ENTR1: variants seen among roughly 807,000 people sequenced by gnomAD.
ENTR1 encodes endosome associated trafficking regulator 1, also known as endosome-associated-trafficking regulator 1.
In ENTR1, 47 loss-of-function variants were observed where a neutral mutation model predicts 47.9. That is an observed-to-expected ratio of 0.98 (90% CI 0.78 to 1.25). The LOEUF is 1.25. ENTR1 is among the 50% of genes most tolerant of loss of function. The pLI, the probability that ENTR1 is intolerant of heterozygous loss-of-function variation, is 0.00. For synonymous variants in ENTR1, 290 were observed against 245.8 expected (o/e 1.18, Z -1.68); for missense variants, 668 against 570.5 (o/e 1.17, Z -1.74).
At position 136,404,679 on chromosome 9, in the gene ENTR1, C is replaced by T; in HGVS notation, c.1020G>A (p.Lys340=). 5.6e-6 allele frequency: 9 copies of T among 1,614,150 alleles called. No individual in the cohort carries two copies. The highest frequency in any genetic ancestry group is 7.6e-6 in the Non-Finnish European group (9 of 1,180,046). The change falls in exon 8 of 10, where the codon AAG becomes AAA. Residue 340 remains lysine, a synonymous_variant. Transcript: ENST00000357365. ...NLELMTKRAV[K]AENHVVKLKQ... The stretch of plus-strand genomic sequence containing the variant: ...TTAGTTTCACGACGTGGTTTTCTGC[C>T]TTTACAGCCCGTTTCTGTTACCCAA...
chr9:136,410,050 A>T (rs745878550), intron 2 of ENTR1, 40 bp downstream of exon 2: 3 of 1,610,180 alleles, frequency 1.9e-6, no homozygotes, highest in Non-Finnish European at 2.5e-6. Flanking sequence ...GTGGCGCGGG[A>T]ACTGGAAGCG....
chr9:136,410,613 A>AG lies in ENTR1; in HGVS notation c.-217dup. On this transcript the variant is annotated 5_prime_UTR_variant, in exon 1 of 10. Transcript: ENST00000357365. ...ACGCCTTGGGCCGTCGGCGAGGGGG[A>AG]GGGGAAGCCGTGGGCGGAAGCGGAA... 2 of 1,295,660 alleles carry AG rather than the reference A, an allele frequency of 1.5e-6. No homozygotes were observed. The highest frequency in any genetic ancestry group is 5.7e-5 in the East Asian group (2 of 34,840). 80.3% of individuals were successfully genotyped at this position (1,295,660 alleles called of 1,614,324 possible).
chr9:136,406,792 T>G (rs1310735934), intron 5 of ENTR1, among the ~76,000 whole-genome samples: 2 of 152,198 alleles, frequency 1.3e-5, no homozygotes, highest in Non-Finnish European at 2.9e-5. Flanking sequence ...ATTTTTTTTT[T>G]TATTCAGAGC....
At chr9:136,409,731 G>C (rs1939593412) in intron 2 of ENTR1, 1 of 381,348 alleles carries the variant, frequency 2.6e-6, no homozygotes, top group Non-Finnish European at 5.1e-6. Context: ...GAACGAGGAC[G>C]AACCAGATCT....
At chr9:136,406,404 G>A (rs146439347) in intron 5 of ENTR1, among the ~76,000 whole-genome samples, 1,686 of 152,024 alleles carry the variant, frequency 0.011, 29 homozygotes, top group African/African-American at 0.038. Flanking sequence ...GGGAGGCGGA[G>A]GTTGCAGTGA....
intron 8 of ENTR1, among the ~76,000 whole-genome samples, 156 bp from the exon 9 acceptor site, chr9:136,404,350 TG>T (rs1430624665): frequency 6.6e-6 from 1 of 152,190 alleles, no homozygotes; most frequent in Non-Finnish European, 1.5e-5. Flanking sequence ...GGGGGCCTAA[TG>T]GCTTCCCCTT....
chr9:136,410,296 G>A, intron 1 of ENTR1, 32 bp downstream of exon 1: 1 of 1,550,510 alleles, frequency 6.4e-7, no homozygotes, highest in South Asian at 1.2e-5. Context: ...CCGCCCACCT[G>A]GACCGCTGGA....
intron 1 of ENTR1, 26 bp from the exon 2 acceptor site, chr9:136,410,265 T>C (rs1356789648): frequency 6.4e-7 from 1 of 1,557,562 alleles, no homozygotes; most frequent in Admixed American, 1.9e-5. Context: ...ACAGCGACTT[T>C]ACTGCGTGCC....
intron 2 of ENTR1, among the ~76,000 whole-genome samples, chr9:136,409,590 G>T (rs1287773185): frequency 1.3e-5 from 2 of 152,150 alleles, no homozygotes; most frequent in East Asian, 3.9e-4. Context: ...CTCCTCAGCA[G>T]ATTTTGAAGC....
At chr9:136,408,354 G>T (rs545654159) in intron 3 of ENTR1, among the ~76,000 whole-genome samples, 1 of 152,080 alleles carries the variant, frequency 6.6e-6, no homozygotes, top group Non-Finnish European at 1.5e-5. Flanking sequence ...CAAGGCGGGC[G>T]GATCACGAGG....
At chr9:136,403,463 C>T (rs1240558910) in intron 9 of ENTR1, among the ~76,000 whole-genome samples, 1 of 42,524 alleles carries the variant, frequency 2.4e-5, no homozygotes, top group African/African-American at 8.6e-5. Flanking sequence ...TGGGGTTTGC[C>T]GGGGGAAGAA....
Position 136,410,497 on chromosome 9 carries a change from G to A in ENTR1, c.-100C>T, listed in dbSNP as rs1835053501. The A allele has an allele frequency of 2.8e-5, 27 of 953,294 alleles. No individual in the cohort carries two copies. The highest frequency in any genetic ancestry group is 3.4e-5 in the Non-Finnish European group (27 of 784,940). 59.1% of individuals were successfully genotyped at this position (953,294 alleles called of 1,614,324 possible). A position where few individuals can be genotyped will look rare whatever the true frequency, so the allele number is the denominator to read the frequency against. Reference sequence around the variant, plus strand: ...GCGGCCCGCGTCGCCCGCCCCCGTCGCCCGCCCCCGTCGCCCGCCGCTCGG... The same window carrying A: ...GCGGCCCGCGTCGCCCGCCCCCGTCACCCGCCCCCGTCGCCCGCCGCTCGG... On this transcript the variant is annotated 5_prime_UTR_variant, in exon 1 of 10. Coordinates refer to ENST00000357365, the MANE Select transcript of ENTR1 (RefSeq NM_001039707.2).
rs1395028939 is a variant in ENTR1, at chr9:136,402,991, G to T, written c.1209-104C>A. 7 of 657,756 alleles carry T rather than the reference G, an allele frequency of 1.1e-5. No individual in the cohort carries two copies. The African/African-American group carries it at 1.4e-4, about 13-fold the overall frequency. The allele number at this position is 657,756 out of a possible 1,614,324, so 40.7% of individuals were successfully genotyped here. A position where few individuals can be genotyped will look rare whatever the true frequency, so the allele number is the denominator to read the frequency against. On this transcript the variant is annotated intron_variant, in intron 9 of 9. Transcript: ENST00000357365. ...GGGTTGGTAGGGGGAAAAAGGGAGG[G>T]GTTCCAAGGGGTAGGGAAAGGGGAG...
intron 3 of ENTR1, among the ~76,000 whole-genome samples, chr9:136,408,508 G>A (rs1357773571): frequency 6.6e-6 from 1 of 152,018 alleles, no homozygotes; most frequent in East Asian, 1.9e-4. Context: ...AACCTGGGAG[G>A]TGGAGCTTGC....
rs1407210387 is a variant in ENTR1 at position 136,405,117 on chromosome 9, C to T, written c.979G>A (p.Val327Met). 4 of 1,613,546 alleles carry T rather than the reference C, an allele frequency of 2.5e-6. No individual in the cohort carries two copies. The highest frequency in any genetic ancestry group is 1.3e-5 in the African/African-American group (1 of 74,926). Residue 327 changes from valine (V) to methionine (M), a missense_variant, in exon 7 of 10, where the codon GTG becomes ATG. Coordinates refer to ENST00000357365, the MANE Select transcript of ENTR1 (RefSeq NM_001039707.2). Reference sequence around the variant, plus strand: ...GTCATCAGCTCCAGGTTCTGCTCCACCTGCTGAACCACCGACTCCAGGTCG... The same window carrying T: ...GTCATCAGCTCCAGGTTCTGCTCCATCTGCTGAACCACCGACTCCAGGTCG... ...YHDLESVVQQ[V>M]EQNLELMTKR... is the part of the protein sequence containing the mutation.
intron 7 of ENTR1, 35 bp from the exon 8 acceptor site, chr9:136,404,728 C>T: frequency 6.2e-7 from 1 of 1,608,158 alleles, no homozygotes; most frequent in East Asian, 2.2e-5. Flanking sequence ...CAAAAAGCAT[C>T]ACTGATGTCC....
In ENTR1 at chr9:136,404,192, C is replaced by A. The variant is rs567797172; in HGVS notation, c.1071G>T (p.Ala357=). The A allele has an allele frequency of 1.2e-6, 2 of 1,605,688 alleles. No homozygotes were observed. The highest frequency in any genetic ancestry group is 1.1e-5 in the South Asian group (1 of 90,548). Reference sequence around the variant, plus strand: ...TCTCTCGCTGGAAGTTGGAGACCTGCGCCTGGGGGGACGGTTACGGCTAAG... The same window carrying A: ...TCTCTCGCTGGAAGTTGGAGACCTGAGCCTGGGGGGACGGTTACGGCTAAG... ...KLKQEISLLQ[A]QVSNFQRENE... The change falls in exon 9 of 10, where the codon GCG becomes GCT. Residue 357 remains alanine, a splice_region_variant and synonymous_variant. Coordinates refer to ENST00000357365, the MANE Select transcript of ENTR1 (RefSeq NM_001039707.2).
intron 5 of ENTR1, 123 bp downstream of exon 5, chr9:136,407,022 C>T (rs1013084759): frequency 1.2e-5 from 12 of 963,864 alleles, no homozygotes; most frequent in Admixed American, 2.8e-5. Flanking sequence ...CAGGCTGTCA[C>T]GCAAATCGCC....
At position 136,402,639 on chromosome 9, in the gene ENTR1, C is replaced by A. The variant is rs1291585673; in HGVS notation, c.*149G>T. On this transcript the variant is annotated 3_prime_UTR_variant, in exon 10 of 10. Transcript: ENST00000357365. The stretch of plus-strand genomic sequence containing the variant: ...CTGCTCCCATTGTGGTGGCCAAGAA[C>A]TGGCTGAGGGCACGACACTGGACTC... The A allele has an allele frequency of 7.3e-6, 4 of 548,152 alleles. No individual in the cohort carries two copies. In the African/African-American group the frequency reaches 7.7e-5, roughly 11 times the overall value. 34.0% of individuals were successfully genotyped at this position (548,152 alleles called of 1,614,324 possible).
Sources: allele counts gnomAD v4.1 joint callset (sites outside exome capture counted in the v4.1 genomes callset), GRCh38; gene constraint gnomAD v4.1.1; transcripts MANE v1.5; gene names NCBI Gene and HGNC (gene_info 2026-07-23, HGNC 2026-07-21).